TOP1: variants seen among roughly 807,000 people sequenced by gnomAD.
The protein encoded by TOP1 is DNA topoisomerase 1.
TOP1 carries 10 observed loss-of-function variants against 111.1 expected under a neutral mutation model. The ratio of observed to expected loss-of-function variants is 0.09; its 90% confidence interval spans 0.06 to 0.15. The LOEUF (loss-of-function observed/expected upper bound fraction) is 0.15. Among genes scored for constraint, TOP1 ranks in the 10% least tolerant of loss-of-function variants. TOP1 has a pLI of 1.00. For synonymous variants in TOP1, 271 were observed against 302.9 expected (o/e 0.89, Z 1.10); for missense variants, 474 against 926.7 (o/e 0.51, Z 6.34).
In TOP1 at chr20:41,071,187, C is replaced by T. The variant is rs539786016; in HGVS notation, c.156-4984C>T. 6.6e-6 allele frequency among the ~76,000 whole-genome samples: 1 copy of T among 152,116 alleles called. No homozygotes were observed. The highest frequency in any genetic ancestry group is 6.5e-5 in the Admixed American group (1 of 15,288). ...GGGAGACATTGTTCCCTACTGGCTC[C>T]CTACTTCCACCGTTTCTCCCACTCT... On this transcript the variant is annotated intron_variant, in intron 3 of 20. Transcript: ENST00000361337. The surrounding 1 kb of genome is among the most constrained non-coding windows in gnomAD (Gnocchi z 4.3).
At chr20:41,084,375 AT>A in intron 7 of TOP1, 86 bp from the exon 8 acceptor site, 1 of 701,598 alleles carries the variant, frequency 1.4e-6, no homozygotes, top group Non-Finnish European at 2.3e-6. Flanking sequence ...TATGATTACA[AT>A]TTTTCTTCCT....
intron 2 of TOP1, among the ~76,000 whole-genome samples, chr20:41,052,339 A>T (rs2122611406): frequency 6.6e-6 from 1 of 152,298 alleles, no homozygotes; most frequent in East Asian, 1.9e-4. Flanking sequence ...TGTGCTCATC[A>T]TGTTTGAACA....
chr20:41,123,133 C>CCTCA lies in TOP1; in HGVS notation c.2196-61_2196-58dup. On this transcript the variant is annotated intron_variant, in intron 20 of 20. Transcript: ENST00000361337. The surrounding 1 kb of genome is among the most constrained non-coding windows in gnomAD (Gnocchi z 5.8). ...AGAAGATGGAACATCTGACCCTGGG[C>CCTCA]CTCAGATATGGGCCATTGCTGAGTC... 1 of 1,093,978 alleles carries CCTCA rather than the reference C, an allele frequency of 9.1e-7. No homozygotes were observed. Among genetic ancestry groups the CCTCA allele is most frequent in the Non-Finnish European group, 1.4e-6 (1 of 714,570 alleles). The allele number at this position is 1,093,978 out of a possible 1,614,324, so 67.8% of individuals were successfully genotyped here.
intron 2 of TOP1, among the ~76,000 whole-genome samples, chr20:41,042,127 C>T (rs1456654828): frequency 6.6e-6 from 1 of 152,172 alleles, no homozygotes; most frequent in Non-Finnish European, 1.5e-5. Context: ...CCACGATGGT[C>T]CCAAACTTCT....
In TOP1 at chr20:41,061,300, T is replaced by A; in HGVS notation, c.59-94T>A. On this transcript the variant is annotated intron_variant, in intron 2 of 20. Transcript: ENST00000361337. The surrounding 1 kb of genome is among the most constrained non-coding windows in gnomAD (Gnocchi z 4.6). ...TATTATGCCTACCATGCCATTTGAA[T>A]CCTGTCATTGTACTTCTTGACCAGC... is the stretch of plus-strand genomic sequence containing the variant. 10 of 1,211,110 alleles carry A rather than the reference T, an allele frequency of 8.3e-6. No individual in the cohort carries two copies. Among genetic ancestry groups the A allele is most frequent in the African/African-American group, 1.5e-5 (1 of 66,734 alleles). 75.0% of individuals were successfully genotyped at this position (1,211,110 alleles called of 1,614,324 possible). A position where few individuals can be genotyped will look rare whatever the true frequency, so the allele number is the denominator to read the frequency against.
In TOP1 at chr20:41,115,986, T is replaced by C. The variant is rs972470673; in HGVS notation, c.1708-292T>C. 2.0e-5 allele frequency among the ~76,000 whole-genome samples: 3 copies of C among 152,142 alleles called. No homozygotes were observed. Among genetic ancestry groups the C allele is most frequent in the African/African-American group, 7.2e-5 (3 of 41,424 alleles). On this transcript the variant is annotated intron_variant, in intron 16 of 20. Coordinates refer to ENST00000361337, the MANE Select transcript of TOP1 (RefSeq NM_003286.4). This position sits in a 1 kb window ranked among gnomAD's most constrained non-coding sequence, Gnocchi z 6.3. Reference sequence around the variant, plus strand: ...AGCTGCTTAGGAGCCTCAGAAGGATTGCATGAGCCCGGGAGGTGGAGGCAG... The same window carrying C: ...AGCTGCTTAGGAGCCTCAGAAGGATCGCATGAGCCCGGGAGGTGGAGGCAG...
At chr20:41,049,835 T>C (rs2033381015) in intron 2 of TOP1, among the ~76,000 whole-genome samples, 2 of 149,676 alleles carry the variant, frequency 1.3e-5, no homozygotes, top group South Asian at 2.1e-4. Flanking sequence ...TAGCTAGAGA[T>C]TTTTTTTTTG....
rs558834485 is a variant in TOP1 at position 41,030,320 on chromosome 20, G to A, written c.58+865G>A. Among the ~76,000 whole-genome samples, 27 of 152,292 alleles carry A rather than the reference G, an allele frequency of 1.8e-4. No individual in the cohort carries two copies. In the South Asian group the frequency reaches 5.2e-3, roughly 29 times the overall value. ...ACTTGTTGGAAGGAAAGATTGTTGA[G>A]CATCTCTTGTGGACCTGGTGTGTTG... On this transcript the variant is annotated intron_variant, in intron 2 of 20. Transcript: ENST00000361337. The surrounding 1 kb of genome is among the most constrained non-coding windows in gnomAD (Gnocchi z 4.1).
intron 3 of TOP1, among the ~76,000 whole-genome samples, chr20:41,063,397 A>T (rs1366813855): frequency 2.0e-5 from 3 of 152,202 alleles, no homozygotes; most frequent in African/African-American, 7.2e-5. Flanking sequence ...GCTGCAGTGA[A>T]CATGTGTGTA....
rs747108329 is a variant in TOP1, at chr20:41,101,839, C to T, written c.1308+486C>T. On this transcript the variant is annotated intron_variant, in intron 13 of 20. Transcript: ENST00000361337. This position sits in a 1 kb window ranked among gnomAD's most constrained non-coding sequence, Gnocchi z 4.1. ...TACTTCTGGCTTCCTGCAGTCTCAT[C>T]TGGGTAGGTTCACCAGGGCCAAATG... 6.0e-4 allele frequency among the ~76,000 whole-genome samples: 92 copies of T among 152,362 alleles called. No homozygotes were observed. The highest frequency in any genetic ancestry group is 1.0e-3 in the Non-Finnish European group (69 of 68,028).
chr20:41,092,595 G>A lies in TOP1; in HGVS notation c.730+8G>A. 1.5e-6 allele frequency: 2 copies of A among 1,377,180 alleles called. No individual in the cohort carries two copies. The highest frequency in any genetic ancestry group is 2.0e-6 in the Non-Finnish European group (2 of 988,262). 85.3% of individuals were successfully genotyped at this position (1,377,180 alleles called of 1,614,324 possible). On this transcript the variant is annotated splice_region_variant and intron_variant, in intron 9 of 20. Coordinates refer to ENST00000361337, the MANE Select transcript of TOP1 (RefSeq NM_003286.4). The surrounding 1 kb of genome is among the most constrained non-coding windows in gnomAD (Gnocchi z 4.3). ...TCAAGTTTTATTATGATGGTGAGTT[G>A]TTTCAAGGTTCTTGATTCTTGGCCA...
At chr20:41,047,137 T>C (rs2033344537) in intron 2 of TOP1, among the ~76,000 whole-genome samples, 1 of 152,224 alleles carries the variant, frequency 6.6e-6, no homozygotes, top group Admixed American at 6.5e-5. Context: ...ACTTTCTAGT[T>C]AGTACTAGCG....
intron 8 of TOP1, among the ~76,000 whole-genome samples, chr20:41,091,204 A>AAAT (rs1291823732): frequency 6.6e-6 from 1 of 152,230 alleles, no homozygotes; most frequent in South Asian, 2.1e-4. Flanking sequence ...ATTGATAATA[A>AAAT]AATAATAAAT....
intron 14 of TOP1, among the ~76,000 whole-genome samples, chr20:41,113,416 G>T (rs1442553880): frequency 6.6e-6 from 1 of 151,866 alleles, no homozygotes; most frequent in Non-Finnish European, 1.5e-5. Flanking sequence ...TATTTCAGAG[G>T]ACAGAATAGA....
At position 41,121,622 on chromosome 20, in the gene TOP1, T is replaced by C; in HGVS notation, c.1951-74T>C. The C allele has an allele frequency of 8.7e-7, 1 of 1,145,998 alleles. No homozygotes were observed. The highest frequency in any genetic ancestry group is 1.3e-6 in the Non-Finnish European group (1 of 755,704). The allele number at this position is 1,145,998 out of a possible 1,614,324, so 71.0% of individuals were successfully genotyped here. On this transcript the variant is annotated intron_variant, in intron 18 of 20. Coordinates refer to ENST00000361337, the MANE Select transcript of TOP1 (RefSeq NM_003286.4). The surrounding 1 kb of genome is among the most constrained non-coding windows in gnomAD (Gnocchi z 4.2). Reference sequence around the variant, plus strand: ...CAGAGACAGCCTGGTCCAGATAACATCTTGGTTTCACCTTCTCAGGTGGAG... The same window carrying C: ...CAGAGACAGCCTGGTCCAGATAACACCTTGGTTTCACCTTCTCAGGTGGAG...
rs1312380351 is a variant in TOP1, at chr20:41,124,296, AAAC to A, written c.*1001_*1003del. On this transcript the variant is annotated 3_prime_UTR_variant, in exon 21 of 21. Coordinates refer to ENST00000361337, the MANE Select transcript of TOP1 (RefSeq NM_003286.4). The surrounding 1 kb of genome is among the most constrained non-coding windows in gnomAD (Gnocchi z 5.4). Reference sequence around the variant, plus strand: ...TTGTAATTGTGTAAAAAATGGAAAAAAACATAAAAAGCAGAATTTTAATGTGAA... The same window carrying A: ...TTGTAATTGTGTAAAAAATGGAAAAAATAAAAAGCAGAATTTTAATGTGAA... 5 of 233,072 alleles carry A rather than the reference AAAC, an allele frequency of 2.1e-5. No homozygotes were observed. Among genetic ancestry groups the A allele is most frequent in the Admixed American group, 1.1e-4 (2 of 17,782 alleles). The allele number at this position is 233,072 out of a possible 1,614,324, so 14.4% of individuals were successfully genotyped here.
intron 7 of TOP1, 104 bp from the exon 8 acceptor site, chr20:41,084,358 A>G: frequency 1.6e-6 from 1 of 606,230 alleles, no homozygotes; most frequent in Non-Finnish European, 2.9e-6. Context: ...CTTTAGTTCT[A>G]ATACTCTATG....
In TOP1 at chr20:41,081,076, G is replaced by A. The variant is rs529589559; in HGVS notation, c.432-89G>A. On this transcript the variant is annotated intron_variant, in intron 6 of 20. Coordinates refer to ENST00000361337, the MANE Select transcript of TOP1 (RefSeq NM_003286.4). ...GAATAACAGTGATTACTCTTGCCAT[G>A]GAGGCATCCAAGAGTTTGTAGGTCT... 7.9e-5 allele frequency: 93 copies of A among 1,176,286 alleles called. No individual in the cohort carries two copies. The African/African-American group carries it at 1.3e-3, about 17-fold the overall frequency. The allele number at this position is 1,176,286 out of a possible 1,614,324, so 72.9% of individuals were successfully genotyped here. A position where few individuals can be genotyped will look rare whatever the true frequency, so the allele number is the denominator to read the frequency against.
At chr20:41,085,558 T>C (rs774262947) in intron 8 of TOP1, among the ~76,000 whole-genome samples, 1 of 152,254 alleles carries the variant, frequency 6.6e-6, no homozygotes, top group Non-Finnish European at 1.5e-5. Flanking sequence ...CAGCAGTACA[T>C]GATTTTGTGT....
Sources: gnomAD v4.1 joint callset for allele counts (sites outside exome capture counted in the v4.1 genomes callset) on GRCh38, gnomAD v4.1.1 for gene constraint, Gnocchi (gnomAD v3.1) non-coding constraint, MANE v1.5 for transcripts, NCBI Gene and HGNC (gene_info 2026-07-23, HGNC 2026-07-21) for gene names.